PID1: variants seen among roughly 807,000 people sequenced by gnomAD.
PID1 encodes the protein PTB-containing, cubilin and LRP1-interacting protein.
A neutral mutation model predicts 19.1 loss-of-function variants in PID1; 10 were observed. The ratio of observed to expected loss-of-function variants is 0.52; its 90% CI spans 0.32 to 0.89. The LOEUF is 0.89. Among genes scored for constraint, PID1 ranks in the 40% least tolerant of loss-of-function variants. PID1 has a pLI of 0.03. For missense variants in PID1, 248 were observed against 285.3 expected (o/e 0.87, Z 0.94); for synonymous variants, 130 against 116.0 (o/e 1.12, Z -0.78).
intron 1 of PID1, among the ~76,000 whole-genome samples, chr2:229,255,330 G>A (rs1027138401): frequency 2.0e-5 from 3 of 152,204 alleles, no homozygotes; most frequent in Non-Finnish European, 4.4e-5. Context: ...GTAGCGTTAA[G>A]CAGATGGGTT....
At chr2:229,263,009 C>A in intron 1 of PID1, 1 of 1,040,358 alleles carries the variant, frequency 9.6e-7, no homozygotes, top group Non-Finnish European at 1.3e-6. Context: ...TTCACAGGTA[C>A]CAGGGGTTAA....
chr2:229,108,162 C>T (rs1315172590), intron 2 of PID1, among the ~76,000 whole-genome samples: 1 of 152,202 alleles, frequency 6.6e-6, no homozygotes, highest in African/African-American at 2.4e-5. Context: ...ACACTATTTG[C>T]TAACTGGGTT....
chr2:229,118,615 A>T (rs1695456457), intron 2 of PID1, among the ~76,000 whole-genome samples: 1 of 152,286 alleles, frequency 6.6e-6, no homozygotes, highest in Admixed American at 6.5e-5. Context: ...TGAATAGGGG[A>T]GATAAAATGC....
chr2:229,163,280 GAA>G (rs1196919043), intron 1 of PID1, among the ~76,000 whole-genome samples: 1 of 152,024 alleles, frequency 6.6e-6, no homozygotes, highest in Non-Finnish European at 1.5e-5. Flanking sequence ...TTCAAGAAAA[GAA>G]AAACCTACAC....
Position 229,026,034 on chromosome 2 carries a change from C to G in PID1, c.252G>C (p.Glu84Asp), listed in dbSNP as rs1209359881. 2.5e-6 allele frequency: 4 copies of G among 1,614,206 alleles called. No homozygotes were observed. Among genetic ancestry groups the G allele is most frequent in the Admixed American group, 3.3e-5 (2 of 60,032 alleles). ...LSGCTEKPVI[E>D]LWKKHTLARE... is the part of the protein sequence containing the mutation. Reference sequence around the variant, plus strand: ...GGGCTAGCGTGTGCTTCTTCCAGAGCTCAATGACTGGCTTTTCTGTGCAGC... The same window carrying G: ...GGGCTAGCGTGTGCTTCTTCCAGAGGTCAATGACTGGCTTTTCTGTGCAGC... Residue 84 changes from glutamate (E) to aspartate (D), a missense_variant, in exon 3 of 3, where the codon GAG becomes GAC. Glu to Asp is a conservative substitution (Grantham distance 45, BLOSUM62 2). Coordinates refer to ENST00000392055, the MANE Select transcript of PID1 (RefSeq NM_001100818.2).
chr2:229,238,598 G>A (rs540355615), intron 1 of PID1, among the ~76,000 whole-genome samples: 3 of 152,138 alleles, frequency 2.0e-5, no homozygotes, highest in South Asian at 4.1e-4. Context: ...CTACTAGTTT[G>A]GGAGGTGGGA....
chr2:229,074,919 G>A (rs1415094873), intron 2 of PID1, among the ~76,000 whole-genome samples: 1 of 152,140 alleles, frequency 6.6e-6, no homozygotes, highest in Non-Finnish European at 1.5e-5. Context: ...TTCTCTCCAG[G>A]TAGCTAAAAG....
intron 2 of PID1, among the ~76,000 whole-genome samples, chr2:229,038,510 T>C: frequency 6.6e-6 from 1 of 152,218 alleles, no homozygotes; most frequent in East Asian, 1.9e-4. Flanking sequence ...AACAGATTAC[T>C]GGTTGTCAGG....
At chr2:229,040,607 G>A (rs1213848758) in intron 2 of PID1, among the ~76,000 whole-genome samples, 1 of 152,030 alleles carries the variant, frequency 6.6e-6, no homozygotes, top group Non-Finnish European at 1.5e-5. Flanking sequence ...GAGAAACAGG[G>A]AGAAAATATT....
At chr2:229,234,020 G>C (rs1692271846) in intron 1 of PID1, among the ~76,000 whole-genome samples, 2 of 152,172 alleles carry the variant, frequency 1.3e-5, no homozygotes, top group African/African-American at 4.8e-5. Flanking sequence ...TATAATCCCT[G>C]ATAAATGTGT....
At chr2:229,107,716 T>C (rs1695206808) in intron 2 of PID1, among the ~76,000 whole-genome samples, 1 of 152,138 alleles carries the variant, frequency 6.6e-6, no homozygotes. Context: ...GGCTTTAAAG[T>C]CTTACCCACT....
At chr2:229,150,358 C>T (rs781768766) in intron 2 of PID1, among the ~76,000 whole-genome samples, 92 of 152,072 alleles carry the variant, frequency 6.0e-4, no homozygotes, top group Middle Eastern at 6.3e-3. Flanking sequence ...GAGAAGCAAC[C>T]CCCTGAAGCC....
At chr2:229,101,699 G>T (rs1243484583) in intron 2 of PID1, among the ~76,000 whole-genome samples, 1 of 152,110 alleles carries the variant, frequency 6.6e-6, no homozygotes, top group Non-Finnish European at 1.5e-5. Context: ...AACTATTAAA[G>T]CAAAAAATCT....
At chr2:229,114,608 C>T (rs1308191443) in intron 2 of PID1, among the ~76,000 whole-genome samples, 1 of 152,142 alleles carries the variant, frequency 6.6e-6, no homozygotes, top group East Asian at 1.9e-4. Flanking sequence ...ATGACCCTTC[C>T]CTCCTCCTAC....
At chr2:229,147,889 T>C (rs1488693027) in intron 2 of PID1, among the ~76,000 whole-genome samples, 2 of 152,234 alleles carry the variant, frequency 1.3e-5, no homozygotes, top group African/African-American at 4.8e-5. Context: ...GCTATAGCCC[T>C]CACAGTGTAT....
intron 2 of PID1, among the ~76,000 whole-genome samples, chr2:229,031,069 A>T (rs1693539947): frequency 6.6e-6 from 1 of 151,554 alleles, no homozygotes; most frequent in Admixed American, 6.6e-5. Context: ...TACAAAAATT[A>T]GCCGGGTGTG....
At chr2:229,259,589 AT>A (rs1037957611) in intron 1 of PID1, among the ~76,000 whole-genome samples, 20 of 152,214 alleles carry the variant, frequency 1.3e-4, no homozygotes, top group Non-Finnish European at 2.2e-4. Context: ...TTTTGAGTTA[AT>A]TTTTGTAAAT....
intron 1 of PID1, among the ~76,000 whole-genome samples, chr2:229,237,830 A>T (rs1377171199): frequency 6.6e-6 from 1 of 152,184 alleles, no homozygotes; most frequent in South Asian, 2.1e-4. Context: ...CAAACCATGG[A>T]AAGGAAGTCT....
At chr2:229,055,384 A>G (rs1694078444) in intron 2 of PID1, among the ~76,000 whole-genome samples, 1 of 152,194 alleles carries the variant, frequency 6.6e-6, no homozygotes, top group Non-Finnish European at 1.5e-5. Flanking sequence ...AGGGTAATTT[A>G]GCATGTTTAA....
Sources: allele counts gnomAD v4.1 joint callset (sites outside exome capture counted in the v4.1 genomes callset), GRCh38; gene constraint gnomAD v4.1.1; transcripts MANE v1.5; gene names NCBI Gene and HGNC (gene_info 2026-07-23, HGNC 2026-07-21).